The following COL19A1 variants were observed in gnomAD, a reference collection of about 807,000 sequenced individuals.
COL19A1 encodes collagen alpha-1(XIX) chain.
In COL19A1, 159 loss-of-function variants were observed where a neutral mutation model predicts 190.2. The observed-to-expected ratio is 0.84, with a 90% CI of 0.73 to 0.95. COL19A1 has a LOEUF of 0.95. COL19A1 is among the 40% of genes least tolerant of loss of function. The pLI, the probability that COL19A1 is intolerant of heterozygous loss-of-function variation, is 0.00. For synonymous variants in COL19A1, 509 were observed against 458.9 expected (o/e 1.11, Z -1.39); for missense variants, 1,418 against 1,431.9 (o/e 0.99, Z 0.16).
At chr6:69,930,209 T>C (rs1224879267) in intron 6 of COL19A1, among the ~76,000 whole-genome samples, 1 of 152,188 alleles carries the variant, frequency 6.6e-6, no homozygotes, top group Non-Finnish European at 1.5e-5. Context: ...ATTCACTAAA[T>C]GTATTAGTAG....
chr6:70,062,637 C>A (rs1267337056), intron 14 of COL19A1, among the ~76,000 whole-genome samples: 1 of 152,010 alleles, frequency 6.6e-6, no homozygotes, highest in Non-Finnish European at 1.5e-5. Flanking sequence ...ACAATATTAA[C>A]CTTAAATGTA....
At chr6:69,916,400 G>T (rs1050088197) in intron 4 of COL19A1, among the ~76,000 whole-genome samples, 6 of 152,188 alleles carry the variant, frequency 3.9e-5, no homozygotes, top group African/African-American at 1.4e-4. Context: ...TCTAGAAAAT[G>T]ATCTAAGGAA....
At chr6:70,204,522 A>G (rs1271644353) in intron 49 of COL19A1, among the ~76,000 whole-genome samples, 1 of 152,184 alleles carries the variant, frequency 6.6e-6, no homozygotes, top group East Asian at 1.9e-4. Flanking sequence ...TTGACAGGAG[A>G]AGGGTAAATG....
intron 9 of COL19A1, among the ~76,000 whole-genome samples, chr6:69,949,860 A>T (rs1287837250): frequency 6.6e-6 from 1 of 151,898 alleles, no homozygotes; most frequent in Non-Finnish European, 1.5e-5. Context: ...ACTAGGTTGA[A>T]TTGTTTAACT....
intron 40 of COL19A1, among the ~76,000 whole-genome samples, chr6:70,169,534 C>A (rs1765378755): frequency 6.6e-6 from 1 of 152,200 alleles, no homozygotes; most frequent in East Asian, 1.9e-4. Flanking sequence ...CAAGTCATAA[C>A]AAGTAATGTT....
At chr6:70,163,777 C>T (rs566325695) in intron 36 of COL19A1, among the ~76,000 whole-genome samples, 3 of 152,230 alleles carry the variant, frequency 2.0e-5, no homozygotes, top group South Asian at 2.1e-4. Context: ...ATACCATAGA[C>T]GGAGTGGCTT....
At chr6:69,927,093 T>G (rs1772448668) in intron 4 of COL19A1, among the ~76,000 whole-genome samples, 1 of 152,076 alleles carries the variant, frequency 6.6e-6, no homozygotes, top group Non-Finnish European at 1.5e-5. Flanking sequence ...ACATCTGCCC[T>G]ATAAGAAATA....
chr6:69,987,262 C>G (rs1482999146), intron 11 of COL19A1, among the ~76,000 whole-genome samples: 1 of 152,200 alleles, frequency 6.6e-6, no homozygotes. Flanking sequence ...ATTTATCCTA[C>G]AGTCTTCCTC....
intron 25 of COL19A1, among the ~76,000 whole-genome samples, chr6:70,146,448 C>T (rs1786651404): frequency 6.6e-6 from 1 of 151,752 alleles, no homozygotes; most frequent in Admixed American, 6.6e-5. Flanking sequence ...TATCAGGTGC[C>T]TCATTTTATA....
chr6:69,895,316 G>A (rs1224908573), intron 2 of COL19A1, among the ~76,000 whole-genome samples: 2 of 152,216 alleles, frequency 1.3e-5, no homozygotes, highest in African/African-American at 4.8e-5. Flanking sequence ...AGGACGAAAA[G>A]GCTTAGAAAG....
chr6:70,192,765 G>A (rs902238874), intron 48 of COL19A1, among the ~76,000 whole-genome samples: 6 of 152,112 alleles, frequency 3.9e-5, no homozygotes, highest in Admixed American at 1.3e-4. Flanking sequence ...ACTAAACATG[G>A]GGCCCTATGT....
intron 16 of COL19A1, among the ~76,000 whole-genome samples, chr6:70,102,469 A>AT (rs1379092953): frequency 1.3e-5 from 2 of 152,154 alleles, no homozygotes; most frequent in African/African-American, 2.4e-5. Flanking sequence ...TATTACACAA[A>AT]TGGCAATAAC....
chr6:70,155,071 A>G (rs536071836), intron 31 of COL19A1, among the ~76,000 whole-genome samples: 1 of 152,294 alleles, frequency 6.6e-6, no homozygotes, highest in East Asian at 1.9e-4. Context: ...AGTATTAACC[A>G]TCACACCTTG....
chr6:70,140,828 C>G, intron 19 of COL19A1, 126 bp from the exon 20 acceptor site: 1 of 805,872 alleles, frequency 1.2e-6, no homozygotes, highest in South Asian at 1.5e-5. Context: ...GTGTGACACT[C>G]TGGGTATTTT....
intron 11 of COL19A1, among the ~76,000 whole-genome samples, chr6:69,985,348 C>T (rs1291699461): frequency 6.6e-6 from 1 of 152,174 alleles, no homozygotes; most frequent in African/African-American, 2.4e-5. Context: ...TTTCTTTACT[C>T]ATTCCTCAGA....
chr6:69,869,381 T>A (rs1384425697), intron 1 of COL19A1, among the ~76,000 whole-genome samples: 1 of 152,224 alleles, frequency 6.6e-6, no homozygotes, highest in Non-Finnish European at 1.5e-5. Context: ...GCAAGTTGCA[T>A]ATTAAATTCG....
chr6:69,928,368 C>T (rs866557883), intron 5 of COL19A1, among the ~76,000 whole-genome samples: 3 of 151,944 alleles, frequency 2.0e-5, no homozygotes, highest in African/African-American at 4.8e-5. Flanking sequence ...TTCCTTCTGT[C>T]GTCTCTAATG....
At chr6:70,153,940 T>C (rs1313716426) in intron 31 of COL19A1, among the ~76,000 whole-genome samples, 1 of 152,076 alleles carries the variant, frequency 6.6e-6, no homozygotes. Context: ...AAGACCACCA[T>C]GAAGAGAGCT....
At chr6:70,016,400 A>AC (rs1314950832) in intron 11 of COL19A1, among the ~76,000 whole-genome samples, 1 of 129,588 alleles carries the variant, frequency 7.7e-6, no homozygotes, top group Non-Finnish European at 1.5e-5. Context: ...GAAAAAAAAA[A>AC]AACAAAACAA....
Sources: allele counts gnomAD v4.1 joint callset (sites outside exome capture counted in the v4.1 genomes callset), GRCh38; gene constraint gnomAD v4.1.1; transcripts MANE v1.5; gene names NCBI Gene and HGNC (gene_info 2026-07-23, HGNC 2026-07-21).